BRPF3: variants seen among roughly 807,000 people sequenced by gnomAD.
The protein encoded by BRPF3 is bromodomain and PHD finger containing 3.
BRPF3 carries 18 observed loss-of-function variants against 102.0 expected under a neutral mutation model. The ratio of observed to expected loss-of-function variants is 0.18; its 90% CI spans 0.12 to 0.26. The LOEUF (loss-of-function observed/expected upper bound fraction) is 0.26, where lower values mean the gene tolerates loss of function less well. Ranked by LOEUF, BRPF3 falls within the 10% of genes least tolerant of loss-of-function variation. The probability of loss-of-function intolerance (pLI) is 1.00; values close to 1 mark genes in which losing one functional copy is unlikely to be tolerated. For synonymous variants in BRPF3, 570 were observed against 614.2 expected (o/e 0.93, Z 1.06); for missense variants, 1,147 against 1,567.8 (o/e 0.73, Z 4.53).
chr6:36,201,744 T>C lies in BRPF3; in HGVS notation c.1422T>C (p.Leu474=), dbSNP rs2127275780. 6.2e-7 allele frequency: 1 copy of C among 1,610,390 alleles called. No individual in the cohort carries two copies. Among genetic ancestry groups the C allele is most frequent in the Non-Finnish European group, 8.5e-7 (1 of 1,178,006 alleles). Residue 474 remains leucine, a synonymous_variant, in exon 2 of 13, where the codon CTT becomes CTC. Coordinates refer to ENST00000357641, the MANE Select transcript of BRPF3 (RefSeq NM_015695.3). This position sits in a 1 kb window ranked among gnomAD's most constrained non-coding sequence, Gnocchi z 5.1. ...ACACACCCTCCACTCTCCCCATGCT[T>C]GCTGTCCCACAGATACCCTCTTACA... ...GQDTPSTLPM[L]AVPQIPSYRL... is the part of the protein sequence containing the mutation.
At chr6:36,229,843 A>T (rs947986570) in intron 12 of BRPF3, among the ~76,000 whole-genome samples, 1 of 152,202 alleles carries the variant, frequency 6.6e-6, no homozygotes, top group African/African-American at 2.4e-5. Flanking sequence ...TAATCCCCTC[A>T]TAATCCATTT....
chr6:36,198,800 G>A (rs1349729673), intron 1 of BRPF3, among the ~76,000 whole-genome samples: 3 of 152,224 alleles, frequency 2.0e-5, no homozygotes, highest in African/African-American at 7.2e-5. Flanking sequence ...GGTGGTGACA[G>A]CCTTGGTAAC....
intron 9 of BRPF3, 36 bp from the exon 10 acceptor site, chr6:36,222,132 G>A (rs1359318526): frequency 6.5e-7 from 1 of 1,538,932 alleles, no homozygotes; most frequent in South Asian, 1.2e-5. Context: ...CATTGAAATT[G>A]CTCATTTCAC....
At position 36,196,923 on chromosome 6, in the gene BRPF3, C is replaced by A. The variant is rs1767511042; in HGVS notation, c.-74C>A. Reference sequence around the variant, plus strand: ...GCGCCGACCTGCTCGGCGGCCTGCCCGCCCGCGCCCAGGGGCCCCGAACGG... The same window carrying A: ...GCGCCGACCTGCTCGGCGGCCTGCCAGCCCGCGCCCAGGGGCCCCGAACGG... On this transcript the variant is annotated 5_prime_UTR_variant, in exon 1 of 13. Transcript: ENST00000357641. The A allele has an allele frequency of 6.6e-6, 1 of 151,488 alleles. No homozygotes were observed. The highest frequency in any genetic ancestry group is 2.4e-5 in the African/African-American group (1 of 41,296). 9.4% of individuals were successfully genotyped at this position (151,488 alleles called of 1,614,324 possible). A position where few individuals can be genotyped will look rare whatever the true frequency, so the allele number is the denominator to read the frequency against.
At position 36,210,359 on chromosome 6, in the gene BRPF3, T is replaced by C. The variant is rs201725834; in HGVS notation, c.2010T>C (p.Ala670=). ...TTACCAACTGCATGAAGTATAATGC[T>C]AAAGACACAATTTTCCACCGAGCAG... The part of the protein sequence containing the change: ...LIVTNCMKYN[A]KDTIFHRAAV... Residue 670 remains alanine, a synonymous_variant, in exon 6 of 13, where the codon GCT becomes GCC. Coordinates refer to ENST00000357641, the MANE Select transcript of BRPF3 (RefSeq NM_015695.3). The surrounding 1 kb of genome is among the most constrained non-coding windows in gnomAD (Gnocchi z 4.7). 3.0e-5 allele frequency: 49 copies of C among 1,614,236 alleles called. No homozygotes were observed. The African/African-American group carries it at 5.5e-4, about 18-fold the overall frequency.
chr6:36,226,793 C>T (rs1191452749), intron 11 of BRPF3, among the ~76,000 whole-genome samples: 1 of 152,280 alleles, frequency 6.6e-6, no homozygotes, highest in Non-Finnish European at 1.5e-5. Context: ...GCCTACTCTA[C>T]TCCCTCCTTA....
chr6:36,196,919 T>TGCCC lies in BRPF3; in HGVS notation c.-71_-68dup, dbSNP rs1352817654. 4 of 151,148 alleles carry TGCCC rather than the reference T, an allele frequency of 2.6e-5. No individual in the cohort carries two copies. Among genetic ancestry groups the TGCCC allele is most frequent in the African/African-American group, 9.7e-5 (4 of 41,148 alleles). 9.4% of individuals were successfully genotyped at this position (151,148 alleles called of 1,614,324 possible). ...GGCCGCGCCGACCTGCTCGGCGGCCTGCCCGCCCGCGCCCAGGGGCCCCGA... is the reference window on the plus strand; with the variant it reads ...GGCCGCGCCGACCTGCTCGGCGGCCTGCCCGCCCGCCCGCGCCCAGGGGCCCCGA... On this transcript the variant is annotated 5_prime_UTR_variant, in exon 1 of 13. Transcript: ENST00000357641.
At chr6:36,227,375 A>G (rs546883996) in intron 11 of BRPF3, among the ~76,000 whole-genome samples, 24 of 152,336 alleles carry the variant, frequency 1.6e-4, no homozygotes, top group Admixed American at 3.9e-4. Flanking sequence ...TATTGTTCGC[A>G]TATTCATATT....
intron 4 of BRPF3, among the ~76,000 whole-genome samples, chr6:36,208,363 C>T (rs1020826554): frequency 2.6e-5 from 4 of 152,134 alleles, no homozygotes; most frequent in Non-Finnish European, 4.4e-5. Flanking sequence ...TTGCCGGGCA[C>T]AGTGGCTCAT....
intron 9 of BRPF3, among the ~76,000 whole-genome samples, chr6:36,220,464 A>T (rs987299545): frequency 5.3e-5 from 8 of 152,246 alleles, no homozygotes; most frequent in African/African-American, 1.4e-4. Flanking sequence ...TACAGAACTG[A>T]TAACAAGAGC....
intron 3 of BRPF3, among the ~76,000 whole-genome samples, chr6:36,206,456 C>T (rs918046348): frequency 3.3e-5 from 5 of 152,180 alleles, no homozygotes; most frequent in Admixed American, 6.5e-5. Flanking sequence ...TCTAGGCAGG[C>T]GAAGTTAAGG....
chr6:36,222,839 G>A (rs1768598492), intron 10 of BRPF3, among the ~76,000 whole-genome samples: 1 of 152,190 alleles, frequency 6.6e-6, no homozygotes, highest in Admixed American at 6.5e-5. Context: ...GTTGCAGTGA[G>A]CAACCTTATG....
Position 36,230,301 on chromosome 6 carries a change from A to G in BRPF3, c.3435-125A>G, listed in dbSNP as rs935237128. 1.8e-5 allele frequency: 15 copies of G among 852,858 alleles called. No homozygotes were observed. Among genetic ancestry groups the G allele is most frequent in the Middle Eastern group, 3.0e-4 (1 of 3,284 alleles). The allele number at this position is 852,858 out of a possible 1,614,324, so 52.8% of individuals were successfully genotyped here. A position where few individuals can be genotyped will look rare whatever the true frequency, so the allele number is the denominator to read the frequency against. ...GTGGCCTCCTGCATGGAGTCCCCCAATTTGCTTCCCTCTGCCCTGTACCCT... is the reference window on the plus strand; with the variant it reads ...GTGGCCTCCTGCATGGAGTCCCCCAGTTTGCTTCCCTCTGCCCTGTACCCT... On this transcript the variant is annotated intron_variant, in intron 12 of 12. Transcript: ENST00000357641. This position sits in a 1 kb window ranked among gnomAD's most constrained non-coding sequence, Gnocchi z 5.4.
intron 2 of BRPF3, 120 bp from the exon 3 acceptor site, chr6:36,204,538 C>A: frequency 8.4e-7 from 1 of 1,184,146 alleles, no homozygotes; most frequent in Non-Finnish European, 1.3e-6. Context: ...GGTATTTGGC[C>A]ATTTTATTCT....
At chr6:36,229,081 G>T in intron 12 of BRPF3, 25 bp downstream of exon 12, 1 of 1,610,724 alleles carries the variant, frequency 6.2e-7, no homozygotes, top group African/African-American at 1.3e-5. Flanking sequence ...CTGTGAGGGG[G>T]CTGAGGGGCA....
Position 36,200,224 on chromosome 6 carries a change from G to T in BRPF3, c.-26-73G>T, listed in dbSNP as rs1481422232. On this transcript the variant is annotated intron_variant, in intron 1 of 12. Coordinates refer to ENST00000357641, the MANE Select transcript of BRPF3 (RefSeq NM_015695.3). This position sits in a 1 kb window ranked among gnomAD's most constrained non-coding sequence, Gnocchi z 5.3. ...GGAAAAGCCAGTCCTCTTGGTGGAT[G>T]CTTGATCATATGGGAGGATGAATGG... 7.6e-6 allele frequency: 11 copies of T among 1,446,596 alleles called. No individual in the cohort carries two copies. Among genetic ancestry groups the T allele is most frequent in the Non-Finnish European group, 1.0e-5 (11 of 1,100,686 alleles). 89.6% of individuals were successfully genotyped at this position (1,446,596 alleles called of 1,614,324 possible).
chr6:36,225,037 C>T lies in BRPF3; in HGVS notation c.3182-230C>T, dbSNP rs567725470. The stretch of plus-strand genomic sequence containing the variant: ...AGTGTTGAGTAATTGCAACAGAGGC[C>T]GTGTTGCCCACAGAAGCTAAAATAT... On this transcript the variant is annotated intron_variant, in intron 10 of 12. Transcript: ENST00000357641. Among the ~76,000 whole-genome samples the T allele has an allele frequency of 5.9e-5, 9 of 152,276 alleles. No individual in the cohort carries two copies. In the South Asian group the frequency reaches 6.2e-4, roughly 11 times the overall value.
intron 3 of BRPF3, among the ~76,000 whole-genome samples, chr6:36,205,839 C>T (rs566572506): frequency 6.6e-6 from 1 of 152,298 alleles, no homozygotes; most frequent in African/African-American, 2.4e-5. Context: ...GTCCTCATCC[C>T]TTTTTTCTGC....
intron 1 of BRPF3, among the ~76,000 whole-genome samples, chr6:36,199,885 T>G (rs1257588216): frequency 1.3e-5 from 2 of 152,218 alleles, no homozygotes; most frequent in African/African-American, 4.8e-5. Context: ...CTCCAGGAAC[T>G]GGGGATGCAG....
Sources: allele counts gnomAD v4.1 joint callset (sites outside exome capture counted in the v4.1 genomes callset), GRCh38; gene constraint gnomAD v4.1.1; non-coding constraint Gnocchi (gnomAD v3.1); transcripts MANE v1.5; gene names NCBI Gene and HGNC (gene_info 2026-07-23, HGNC 2026-07-21).